Variants in GOSR1 observed in about 807,000 individuals in gnomAD.
The protein encoded by GOSR1 is 28 kDa Golgi SNARE protein.
GOSR1 carries 21 observed loss-of-function variants against 35.5 expected under a neutral mutation model. The observed-to-expected ratio is 0.59, with a 90% CI of 0.42 to 0.85. The LOEUF (loss-of-function observed/expected upper bound fraction) is 0.85, where lower values mean the gene tolerates loss of function less well. Ranked by LOEUF, GOSR1 falls within the 40% of genes least tolerant of loss-of-function variation. GOSR1 has a pLI of 0.00. For synonymous variants in GOSR1, 94 were observed against 106.6 expected, an observed-to-expected ratio of 0.88 and a Z score of 0.73; for missense variants, 285 against 309.6, an observed-to-expected ratio of 0.92 and a Z score of 0.60.
At chr17:30,485,633 G>A (rs546124329) in intron 4 of GOSR1, among the ~76,000 whole-genome samples, 200 of 152,258 alleles carry the variant, frequency 1.3e-3, no homozygotes, top group African/African-American at 4.6e-3. Flanking sequence ...CAAAGTGCTA[G>A]AATTATAGGC....
intron 1 of GOSR1, chr17:30,479,100 T>TA (rs1348512909): frequency 1.3e-5 from 2 of 152,380 alleles, no homozygotes; most frequent in African/African-American, 4.8e-5. Flanking sequence ...ATAGAGTCAG[T>TA]AAGTGGCTGT....
Position 30,494,192 on chromosome 17 carries a change from A to ACACACAC in GOSR1, c.509+1439_509+1440insCACACAC, listed in dbSNP as rs1966905362. On this transcript the variant is annotated intron_variant, in intron 6 of 8. Coordinates refer to ENST00000451249, the MANE Select transcript of GOSR1 (RefSeq NM_001007025.2). Reference sequence around the variant, plus strand: ...TTTTTGTAAATGAATGCCATACTTAAACACACACACACACACACACACAAC... The same window carrying ACACACAC: ...TTTTTGTAAATGAATGCCATACTTAACACACACACACACACACACACACACACACAAC... Among the ~76,000 whole-genome samples the ACACACAC allele has an allele frequency of 3.6e-4, 54 of 150,522 alleles. No individual in the cohort carries two copies. The South Asian group carries it at 9.3e-3, about 26-fold the overall frequency.
At chr17:30,477,952 G>A in intron 1 of GOSR1, 1 of 983,262 alleles carries the variant, frequency 1.0e-6, no homozygotes, top group Non-Finnish European at 1.2e-6. Context: ...GAAGAGAATA[G>A]GAGACAGAAT....
chr17:30,507,127 G>A (rs529702047), intron 6 of GOSR1, among the ~76,000 whole-genome samples: 3 of 150,628 alleles, frequency 2.0e-5, no homozygotes, highest in Non-Finnish European at 4.4e-5. Context: ...GTGGTTCAAG[G>A]AGTGATTTTG....
chr17:30,490,062 C>T, intron 4 of GOSR1, 64 bp from the exon 5 acceptor site: 1 of 770,954 alleles, frequency 1.3e-6, no homozygotes, highest in Admixed American at 1.8e-5. Context: ...CGATACATAA[C>T]TGGTTCAGTG....
intron 6 of GOSR1, among the ~76,000 whole-genome samples, chr17:30,501,882 T>TA (rs755936628): frequency 5.3e-5 from 8 of 152,230 alleles, no homozygotes; most frequent in Non-Finnish European, 8.8e-5. Context: ...GTTGAAAACT[T>TA]ACATTTACAC....
At position 30,519,906 on chromosome 17, in the gene GOSR1, A is replaced by AT. The variant is rs778783094; in HGVS notation, c.540-32dup. Reference sequence around the variant, plus strand: ...ATGGTTCCAGGCAGGATAATCTTAAATGGTGATTTGTCATCTTTTTTTCCC... The same window carrying AT: ...ATGGTTCCAGGCAGGATAATCTTAAATTGGTGATTTGTCATCTTTTTTTCCC... On this transcript the variant is annotated intron_variant, in intron 7 of 8. Transcript: ENST00000451249. 4.9e-5 allele frequency: 64 copies of AT among 1,310,840 alleles called. No homozygotes were observed. The Middle Eastern group carries it at 7.2e-4, about 15-fold the overall frequency. 81.2% of individuals were successfully genotyped at this position (1,310,840 alleles called of 1,614,324 possible).
intron 7 of GOSR1, among the ~76,000 whole-genome samples, chr17:30,516,017 C>T (rs1299389057): frequency 2.0e-5 from 3 of 152,130 alleles, no homozygotes; most frequent in African/African-American, 4.8e-5. Context: ...CTAGTGTGTC[C>T]ATGTTAATTG....
intron 8 of GOSR1, among the ~76,000 whole-genome samples, chr17:30,520,599 C>G (rs1016987180): frequency 2.6e-5 from 4 of 152,154 alleles, no homozygotes; most frequent in Non-Finnish European, 4.4e-5. Context: ...CAGAAACCCA[C>G]TAGGGAACCA....
intron 6 of GOSR1, among the ~76,000 whole-genome samples, chr17:30,507,289 T>A (rs892948610): frequency 2.0e-5 from 3 of 151,028 alleles, no homozygotes; most frequent in Admixed American, 6.6e-5. Flanking sequence ...CATGAGGAGG[T>A]CAAAATATCA....
chr17:30,495,316 A>G (rs945503903), intron 6 of GOSR1: 5 of 405,868 alleles, frequency 1.2e-5, no homozygotes, highest in Middle Eastern at 3.7e-4. Flanking sequence ...ATCCAGAATC[A>G]TACATTCATT....
intron 6 of GOSR1, among the ~76,000 whole-genome samples, chr17:30,499,577 G>A (rs1435115027): frequency 6.6e-6 from 1 of 152,118 alleles, no homozygotes; most frequent in Non-Finnish European, 1.5e-5. Flanking sequence ...TCCTGACCTC[G>A]TGATCCACCC....
rs539956574 is a variant in GOSR1, at chr17:30,521,736, C to T, written c.623-518C>T. 2.0e-5 allele frequency among the ~76,000 whole-genome samples: 3 copies of T among 152,180 alleles called. No homozygotes were observed. In the South Asian group the frequency reaches 6.2e-4, roughly 32 times the overall value. On this transcript the variant is annotated intron_variant, in intron 8 of 8. Transcript: ENST00000451249. ...ATTATATAGACCTTAGAGTTGGTTC[C>T]CATGAATTGCCTGAATCTAAGGCGG...
intron 6 of GOSR1, among the ~76,000 whole-genome samples, chr17:30,509,662 C>T (rs1381827081): frequency 6.6e-6 from 1 of 152,146 alleles, no homozygotes; most frequent in Non-Finnish European, 1.5e-5. Context: ...CCAAACTTTA[C>T]CTATTCATTT....
intron 6 of GOSR1, among the ~76,000 whole-genome samples, chr17:30,494,653 G>T (rs1966925388): frequency 6.6e-6 from 1 of 151,574 alleles, no homozygotes; most frequent in African/African-American, 2.4e-5. Context: ...TGTTGCCCAG[G>T]CTGGAGTGTC....
intron 2 of GOSR1, among the ~76,000 whole-genome samples, chr17:30,482,131 C>G (rs372493268): frequency 1.3e-5 from 2 of 152,058 alleles, no homozygotes; most frequent in Admixed American, 6.6e-5. Flanking sequence ...ACCCCATAAT[C>G]CACATATATT....
chr17:30,481,298 T>G, intron 2 of GOSR1, 41 bp downstream of exon 2: 1 of 1,481,124 alleles, frequency 6.8e-7, no homozygotes, highest in Non-Finnish European at 9.3e-7. Context: ...GCCTTAACTG[T>G]GTTTTTAAAG....
rs1226896018 is a variant in GOSR1 at position 30,523,352 on chromosome 17, C to T, written c.*974C>T. 2.4e-4 allele frequency: 44 copies of T among 180,634 alleles called. No homozygotes were observed. The highest frequency in any genetic ancestry group is 1.2e-3 in the Admixed American group (20 of 16,236). 11.2% of individuals were successfully genotyped at this position (180,634 alleles called of 1,614,324 possible). A position where few individuals can be genotyped will look rare whatever the true frequency, so the allele number is the denominator to read the frequency against. On this transcript the variant is annotated 3_prime_UTR_variant, in exon 9 of 9. Coordinates refer to ENST00000451249, the MANE Select transcript of GOSR1 (RefSeq NM_001007025.2). The stretch of plus-strand genomic sequence containing the variant: ...GAGCTCCTCTGCCCGGCCGCGACCC[C>T]GTCTGGGAGGTGAGGAGCGTCTCTG...
intron 7 of GOSR1, 100 bp downstream of exon 7, chr17:30,511,009 T>G: frequency 1.4e-6 from 1 of 721,308 alleles, no homozygotes; most frequent in Middle Eastern, 2.9e-4. Flanking sequence ...GAAAAAACAT[T>G]TTAATGAACA....
Sources: allele counts gnomAD v4.1 joint callset (sites outside exome capture counted in the v4.1 genomes callset), GRCh38; gene constraint gnomAD v4.1.1; transcripts MANE v1.5; gene names NCBI Gene and HGNC (gene_info 2026-07-23, HGNC 2026-07-21).